Variants in SAMD3 observed in about 807,000 individuals in gnomAD.
SAMD3 encodes the protein sterile alpha motif domain-containing protein 3.
In SAMD3, 63 loss-of-function variants were observed where a neutral mutation model predicts 58.5. The observed-to-expected ratio is 1.08, with a 90% CI of 0.88 to 1.33. The LOEUF (loss-of-function observed/expected upper bound fraction) is 1.33, where lower values mean the gene tolerates loss of function less well. Among genes scored for constraint, SAMD3 ranks in the 40% most tolerant of loss-of-function variants. SAMD3 has a pLI of 0.00. For synonymous variants in SAMD3, 220 were observed against 210.3 expected (o/e 1.05, Z -0.40); for missense variants, 604 against 608.4 (o/e 0.99, Z 0.08).
chr6:130,222,045 C>A (rs1185938928), intron 1 of SAMD3, among the ~76,000 whole-genome samples: 1 of 152,006 alleles, frequency 6.6e-6, no homozygotes, highest in Admixed American at 6.6e-5. Context: ...CACAACTTGC[C>A]CTGTCATATT....
At chr6:130,313,524 G>A (rs902144537) in intron 1 of SAMD3, among the ~76,000 whole-genome samples, 3 of 152,180 alleles carry the variant, frequency 2.0e-5, no homozygotes, top group Non-Finnish European at 4.4e-5. Flanking sequence ...AGCAATCTGG[G>A]AGACAAAAGG....
chr6:130,255,604 G>T (rs569455125), intron 2 of SAMD3, among the ~76,000 whole-genome samples: 1 of 151,888 alleles, frequency 6.6e-6, no homozygotes, highest in Admixed American at 6.6e-5. Flanking sequence ...TGAATCCTTT[G>T]TGTGAAATAT....
intron 1 of SAMD3, among the ~76,000 whole-genome samples, chr6:130,342,136 A>C (rs2115024617): frequency 6.6e-6 from 1 of 152,296 alleles, no homozygotes; most frequent in East Asian, 1.9e-4. Flanking sequence ...ATATGATTGC[A>C]TCTGTCTTTT....
Position 130,217,036 on chromosome 6 carries a change from G to T in SAMD3, c.-67-420C>A, listed in dbSNP as rs555201002. Among the ~76,000 whole-genome samples the T allele has an allele frequency of 1.7e-3, 254 of 152,284 alleles. 2 individuals are homozygous for T. The highest frequency in any genetic ancestry group is 6.8e-3 in the Middle Eastern group (2 of 294). ...GAAAATAAAATGAGTACTTGGAAAT[G>T]ATCATGTATTTTTAAATTTGCAGAT... is the stretch of plus-strand genomic sequence containing the variant. On this transcript the variant is annotated intron_variant, in intron 1 of 11. Transcript: ENST00000439090.
At chr6:130,211,404 C>T (rs1352921267) in intron 4 of SAMD3, among the ~76,000 whole-genome samples, 1 of 151,556 alleles carries the variant, frequency 6.6e-6, no homozygotes, top group East Asian at 2.0e-4. Flanking sequence ...CTGCCTCAGC[C>T]TCCTGAGTAG....
At chr6:130,283,722 T>G (rs1348545437) in intron 2 of SAMD3, among the ~76,000 whole-genome samples, 2 of 152,122 alleles carry the variant, frequency 1.3e-5, no homozygotes, top group Non-Finnish European at 2.9e-5. Context: ...CACTTTCAGA[T>G]CTATGATGAA....
intron 5 of SAMD3, among the ~76,000 whole-genome samples, chr6:130,207,169 A>AAAAG (rs1562447168): frequency 2.1e-5 from 3 of 140,912 alleles, no homozygotes; most frequent in Non-Finnish European, 3.1e-5. Context: ...CAAAAAAAAA[A>AAAAG]AAAGAAAAAA....
intron 5 of SAMD3, among the ~76,000 whole-genome samples, chr6:130,207,124 G>A (rs1000276499): frequency 7.1e-6 from 1 of 141,230 alleles, no homozygotes; most frequent in East Asian, 2.0e-4. Context: ...ACTCCAGCCT[G>A]GGTGATAGAG....
intron 2 of SAMD3, among the ~76,000 whole-genome samples, chr6:130,288,721 A>G (rs1562501099): frequency 6.6e-6 from 1 of 152,218 alleles, no homozygotes; most frequent in Non-Finnish European, 1.5e-5. Context: ...GGAGGAAATC[A>G]ATGGTTTAAA....
intron 2 of SAMD3, among the ~76,000 whole-genome samples, chr6:130,306,028 G>C (rs1775901188): frequency 6.6e-6 from 1 of 152,196 alleles, no homozygotes; most frequent in Non-Finnish European, 1.5e-5. Flanking sequence ...GGAAAAGGCA[G>C]TTCTCTAGGG....
At position 130,175,946 on chromosome 6, in the gene SAMD3, A is replaced by G. The variant is rs991601641; in HGVS notation, c.717T>C (p.Asp239=). 3.1e-6 allele frequency: 5 copies of G among 1,613,370 alleles called. No homozygotes were observed. The highest frequency in any genetic ancestry group is 2.7e-5 in the African/African-American group (2 of 74,882). Residue 239 remains aspartate, a synonymous_variant, in exon 8 of 12, where the codon GAT becomes GAC. Transcript: ENST00000439090. ...TACACTTATTTCTAATCACTTGCTC[A>G]TCATCTTCTATGGGTCTTCGAACAT... is the stretch of plus-strand genomic sequence containing the variant. The part of the protein sequence containing the change: ...FKYVRRPIED[D]EQVIRNKCKF...
chr6:130,263,222 A>G (rs1774205541), intron 2 of SAMD3, among the ~76,000 whole-genome samples: 1 of 152,220 alleles, frequency 6.6e-6, no homozygotes, highest in African/African-American at 2.4e-5. Flanking sequence ...TAAGGACTAT[A>G]AAGTCCACTG....
At chr6:130,301,463 C>A (rs1317903131) in intron 2 of SAMD3, among the ~76,000 whole-genome samples, 1 of 152,098 alleles carries the variant, frequency 6.6e-6, no homozygotes, top group Non-Finnish European at 1.5e-5. Context: ...TATCCCATCC[C>A]CATGAACAAG....
chr6:130,182,499 C>T (rs55645857), intron 7 of SAMD3, among the ~76,000 whole-genome samples: 1 of 149,332 alleles, frequency 6.7e-6, no homozygotes, highest in Non-Finnish European at 1.5e-5. Context: ...ATATAATGAA[C>T]CTTTTCTTGA....
At chr6:130,293,830 C>T (rs996441351) in intron 2 of SAMD3, among the ~76,000 whole-genome samples, 2 of 151,930 alleles carry the variant, frequency 1.3e-5, no homozygotes, top group East Asian at 2.0e-4. Flanking sequence ...TAGTTTGTCT[C>T]GTGAGTCTCT....
intron 8 of SAMD3, among the ~76,000 whole-genome samples, chr6:130,174,174 A>G (rs978442362): frequency 6.6e-6 from 1 of 152,088 alleles, no homozygotes; most frequent in Non-Finnish European, 1.5e-5. Flanking sequence ...CCTCTTTTCC[A>G]GGGGATTGAA....
At chr6:130,365,721 G>GGGTA, upstream of SAMD3, 1 of 985,528 alleles carries the variant, frequency 1.0e-6, no homozygotes, top group Non-Finnish European at 1.2e-6. Flanking sequence ...GCCTGCAAGC[G>GGGTA]GGTACTTTGT....
intron 2 of SAMD3, among the ~76,000 whole-genome samples, chr6:130,270,515 A>G (rs12214577): frequency 0.12 from 17,838 of 152,226 alleles, 1,197 homozygotes; most frequent in Admixed American, 0.16. Context: ...CAGCTTCAGC[A>G]CCCCTTCCTG....
At chr6:130,162,414 C>G (rs1790359089) in intron 8 of SAMD3, 1 of 567,946 alleles carries the variant, frequency 1.8e-6, no homozygotes. Context: ...AAAAACTCAT[C>G]TTGACTTTTA....
Sources: allele counts gnomAD v4.1 joint callset (sites outside exome capture counted in the v4.1 genomes callset), GRCh38; gene constraint gnomAD v4.1.1; transcripts MANE v1.5; gene names NCBI Gene and HGNC (gene_info 2026-07-23, HGNC 2026-07-21).